Variants in NEK1 observed in about 807,000 individuals in gnomAD.
NEK1 encodes serine/threonine-protein kinase Nek1.
NEK1 carries 137 observed loss-of-function variants against 182.1 expected under a neutral mutation model. The ratio of observed to expected loss-of-function variants is 0.75; its 90% CI spans 0.65 to 0.87. The LOEUF (loss-of-function observed/expected upper bound fraction) is 0.87, where lower values mean the gene tolerates loss of function less well. Among genes scored for constraint, NEK1 ranks in the 40% least tolerant of loss-of-function variants. The pLI is 0.00. For missense variants in NEK1, 1,391 were observed against 1,494.4 expected, an observed-to-expected ratio of 0.93 and a Z score of 1.14; for synonymous variants, 513 against 492.2, an observed-to-expected ratio of 1.04 and a Z score of -0.56.
intron 10 of NEK1, among the ~76,000 whole-genome samples, chr4:169,581,877 T>C (rs1766711953): frequency 6.6e-6 from 1 of 152,178 alleles, no homozygotes; most frequent in Admixed American, 6.5e-5. Flanking sequence ...AATTATAAAT[T>C]ATAACTAATT....
intron 31 of NEK1, among the ~76,000 whole-genome samples, chr4:169,412,189 G>A (rs1733791485): frequency 6.6e-6 from 1 of 152,178 alleles, no homozygotes; most frequent in Non-Finnish European, 1.5e-5. Flanking sequence ...GCTTGACTCA[G>A]AGTGAGAATT....
At chr4:169,444,780 C>T (rs1296270194) in intron 27 of NEK1, among the ~76,000 whole-genome samples, 1 of 152,176 alleles carries the variant, frequency 6.6e-6, no homozygotes, top group African/African-American at 2.4e-5. Flanking sequence ...AGAACACATC[C>T]AACAGCAGCA....
intron 18 of NEK1, among the ~76,000 whole-genome samples, chr4:169,538,967 T>C (rs903425408): frequency 3.3e-5 from 5 of 152,176 alleles, no homozygotes; most frequent in African/African-American, 1.2e-4. Context: ...TAAAAATCTA[T>C]TCCATCACAT....
chr4:169,471,017 TCC>T (rs1745857858), intron 26 of NEK1, among the ~76,000 whole-genome samples: 2 of 152,184 alleles, frequency 1.3e-5, no homozygotes, highest in African/African-American at 4.8e-5. Context: ...TAGTGATAGT[TCC>T]TGTAACTTTT....
Position 169,602,030 on chromosome 4 carries a change from G to A in NEK1, c.192C>T (p.Val64=), listed in dbSNP as rs777436964. The A allele has an allele frequency of 6.8e-6, 11 of 1,611,606 alleles. No homozygotes were observed. In the Admixed American group the frequency reaches 1.7e-4, roughly 24 times the overall value. ...VLANMKHPNI[V]QYRESFEENG... ...GACCTTCAAATGATTCTCTATACTG[G>A]ACAATATTTGGATGCTTCATGTTTG... The change falls in exon 4 of 36, where the codon GTC becomes GTT. Residue 64 remains valine (V), a synonymous_variant. Transcript: ENST00000507142.
chr4:169,398,160 A>C (rs1731024034), intron 35 of NEK1, among the ~76,000 whole-genome samples: 1 of 152,202 alleles, frequency 6.6e-6, no homozygotes, highest in South Asian at 2.1e-4. Context: ...GTCTCAATAA[A>C]ATAAGAAATC....
intron 28 of NEK1, among the ~76,000 whole-genome samples, chr4:169,434,796 T>C (rs970767507): frequency 2.0e-5 from 3 of 152,240 alleles, no homozygotes; most frequent in African/African-American, 2.4e-5. Flanking sequence ...TTATCTTTTA[T>C]TCAAATGATT....
At chr4:169,569,455 C>CCTCT (rs1359031855) in intron 12 of NEK1, among the ~76,000 whole-genome samples, 2 of 133,298 alleles carry the variant, frequency 1.5e-5, no homozygotes, top group African/African-American at 6.6e-5. Flanking sequence ...TCCCTCCCTC[C>CCTCT]CTCTCTCCCT....
At chr4:169,450,686 C>T (rs1459862576) in intron 27 of NEK1, among the ~76,000 whole-genome samples, 1 of 152,184 alleles carries the variant, frequency 6.6e-6, no homozygotes, top group Non-Finnish European at 1.5e-5. Flanking sequence ...AAAACTGGTA[C>T]CAGCCACTGC....
chr4:169,518,452 A>G (rs1209787225), intron 19 of NEK1, among the ~76,000 whole-genome samples: 8 of 134,666 alleles, frequency 5.9e-5, no homozygotes, highest in African/African-American at 2.6e-4. Context: ...CTTTCAAAAA[A>G]CCAGCTCCTG....
At chr4:169,429,727 G>A (rs903069802) in intron 29 of NEK1, among the ~76,000 whole-genome samples, 7 of 151,980 alleles carry the variant, frequency 4.6e-5, no homozygotes, top group Admixed American at 1.3e-4. Flanking sequence ...TCATTTTATC[G>A]ATGCCCTGTA....
At chr4:169,570,103 C>A (rs1471321117) in intron 12 of NEK1, among the ~76,000 whole-genome samples, 1 of 151,528 alleles carries the variant, frequency 6.6e-6, no homozygotes, top group Non-Finnish European at 1.5e-5. Context: ...CTCTGCCTGG[C>A]CGCCCATCGT....
intron 27 of NEK1, among the ~76,000 whole-genome samples, chr4:169,447,520 A>G (rs562304454): frequency 6.6e-6 from 1 of 152,348 alleles, no homozygotes; most frequent in South Asian, 2.1e-4. Context: ...AGAATATTAG[A>G]ACACTGTAAT....
chr4:169,455,198 G>C (rs890881415), intron 27 of NEK1, among the ~76,000 whole-genome samples: 1 of 152,046 alleles, frequency 6.6e-6, no homozygotes, highest in Non-Finnish European at 1.5e-5. Context: ...CCTGGCAGAG[G>C]GATAGCATTA....
At chr4:169,515,129 T>C (rs1384870573) in intron 19 of NEK1, among the ~76,000 whole-genome samples, 45 of 152,168 alleles carry the variant, frequency 3.0e-4, no homozygotes, top group Admixed American at 2.9e-3. Flanking sequence ...TGTTTGGAGA[T>C]TTTCCTGTCA....
intron 13 of NEK1, 78 bp downstream of exon 13, chr4:169,562,059 G>A: frequency 8.3e-7 from 1 of 1,206,238 alleles, no homozygotes; most frequent in Non-Finnish European, 1.2e-6. Context: ...AGGTTTGGAG[G>A]CTTTATAGTA....
Position 169,477,507 on chromosome 4 carries a change from C to A in NEK1, c.2140-10G>T. ...CAGTTAAACTACTGTCCTTTAAATG[C>A]AGATAGATACAGAGGAAGAGATAAT... On this transcript the variant is annotated splice_polypyrimidine_tract_variant and intron_variant, in intron 24 of 35. Transcript: ENST00000507142. The A allele has an allele frequency of 6.4e-7, 1 of 1,572,874 alleles. No individual in the cohort carries two copies. The highest frequency in any genetic ancestry group is 8.7e-7 in the Non-Finnish European group (1 of 1,148,876).
intron 23 of NEK1, among the ~76,000 whole-genome samples, chr4:169,486,856 A>G (rs2149589135): frequency 1.3e-5 from 2 of 152,330 alleles, no homozygotes; most frequent in Middle Eastern, 3.4e-3. Context: ...CAACCTAACC[A>G]AGACAGAATC....
At chr4:169,395,372 T>G (rs1730510622) in intron 35 of NEK1, among the ~76,000 whole-genome samples, 1 of 152,170 alleles carries the variant, frequency 6.6e-6, no homozygotes, top group African/African-American at 2.4e-5. Flanking sequence ...ATTCCCCACC[T>G]TCCTTAACTG....
Sources: allele counts gnomAD v4.1 joint callset (sites outside exome capture counted in the v4.1 genomes callset), GRCh38; gene constraint gnomAD v4.1.1; transcripts MANE v1.5; gene names NCBI Gene and HGNC (gene_info 2026-07-23, HGNC 2026-07-21).